ZNF48: variants seen among roughly 807,000 people sequenced by gnomAD.
ZNF48 encodes the protein zinc finger protein 553.
A neutral mutation model predicts 40.0 loss-of-function variants in ZNF48; 20 were observed. That is an observed-to-expected ratio of 0.50 (90% CI 0.35 to 0.73). The LOEUF (loss-of-function observed/expected upper bound fraction) is 0.73. Among genes scored for constraint, ZNF48 ranks in the 30% least tolerant of loss-of-function variants. The pLI is 0.01. For missense variants in ZNF48, 726 were observed against 851.9 expected, an observed-to-expected ratio of 0.85 and a Z score of 1.84; for synonymous variants, 298 against 329.7, an observed-to-expected ratio of 0.90 and a Z score of 1.04.
intron 1 of ZNF48, chr16:30,378,971 T>A: frequency 6.3e-7 from 1 of 1,578,656 alleles, no homozygotes. Context: ...GGGTCATGGG[T>A]GAGGCGGGAC....
In ZNF48 at chr16:30,382,016, G is replaced by C; in HGVS notation, c.-16+3606G>C. 1 of 1,597,080 alleles carries C rather than the reference G, an allele frequency of 6.3e-7. No individual in the cohort carries two copies. Among genetic ancestry groups the C allele is most frequent in the South Asian group, 1.1e-5 (1 of 90,294 alleles). On this transcript the variant is annotated intron_variant, in intron 1 of 2. Coordinates refer to the ZNF48 transcript ENST00000528032. The surrounding 1 kb of genome is among the most constrained non-coding windows in gnomAD (Gnocchi z 4.8). ...TCAGAAAAAAAGCAGTCAACTACCT[G>C]AGTCCCCAGATGGAAAAGACTAGGG... is the stretch of plus-strand genomic sequence containing the variant.
rs1193141718 is a variant in ZNF48 at position 30,395,994 on chromosome 16, G to C, written c.79+121G>C. ...GTGAGCTGTGCCTCTGGGGAGATAG[G>C]GGGAGGGGAGCTTTCGGAGCACCAA... is the stretch of plus-strand genomic sequence containing the variant. On this transcript the variant is annotated intron_variant, in intron 2 of 2. Coordinates refer to ENST00000613509, the MANE Select transcript of ZNF48 (RefSeq NM_001214909.2). The surrounding 1 kb of genome is among the most constrained non-coding windows in gnomAD (Gnocchi z 5.9). 7 of 1,072,060 alleles carry C rather than the reference G, an allele frequency of 6.5e-6. No homozygotes were observed. The highest frequency in any genetic ancestry group is 4.9e-5 in the African/African-American group (3 of 60,958). The allele number at this position is 1,072,060 out of a possible 1,614,324, so 66.4% of individuals were successfully genotyped here.
Position 30,397,435 on chromosome 16 carries a change from T to C in ZNF48, c.185T>C (p.Val62Ala). The change falls in exon 3 of 3, where the codon GTA becomes GCA. Residue 62 changes from valine (V) to alanine (A), a missense_variant. Coordinates refer to ENST00000613509, the MANE Select transcript of ZNF48 (RefSeq NM_001214909.2). The surrounding 1 kb of genome is among the most constrained non-coding windows in gnomAD (Gnocchi z 4.1). ...KEEDLAPDHE[V>A]GNASLKPEGI... ...GAAGATTTGGCTCCAGATCATGAAG[T>C]AGGAAATGCCTCTCTCAAACCTGAA... 6.2e-7 allele frequency: 1 copy of C among 1,613,884 alleles called. No homozygotes were observed. Among genetic ancestry groups the C allele is most frequent in the Non-Finnish European group, 8.5e-7 (1 of 1,179,980 alleles).
Position 30,379,176 on chromosome 16 carries a change from G to A in ZNF48, c.-16+766G>A, listed in dbSNP as rs1406076337. On this transcript the variant is annotated intron_variant, in intron 1 of 2. Transcript: ENST00000528032. ...GGTTCAGGAAATCGCAGTGATGTGG[G>A]TTCTCCACTGGAGGGGGGGCGGCGC... 5.0e-6 allele frequency: 8 copies of A among 1,614,136 alleles called. No homozygotes were observed. In the East Asian group the frequency reaches 1.6e-4, roughly 31 times the overall value.
Sources: gnomAD v4.1 joint callset for allele counts on GRCh38, gnomAD v4.1.1 for gene constraint, Gnocchi (gnomAD v3.1) non-coding constraint, MANE v1.5 for transcripts, NCBI Gene and HGNC (gene_info 2026-07-23, HGNC 2026-07-21) for gene names.